CREBBP: variants seen among roughly 807,000 people sequenced by gnomAD.
The protein encoded by CREBBP is CREB-binding protein.
Under a neutral mutation model 265.0 loss-of-function variants are expected in CREBBP, and 19 were observed. The ratio of observed to expected loss-of-function variants is 0.07; its 90% CI spans 0.05 to 0.11. CREBBP has a LOEUF of 0.11. Ranked by LOEUF, CREBBP falls within the 10% of genes least tolerant of loss-of-function variation. The pLI is 1.00. For missense variants in CREBBP, 2,525 were observed against 3,219.0 expected (o/e 0.78, Z 5.22); for synonymous variants, 1,457 against 1,223.7 (o/e 1.19, Z -3.98).
At chr16:3,826,162 AAG>A (rs200414762) in intron 2 of CREBBP, among the ~76,000 whole-genome samples, 3,303 of 152,174 alleles carry the variant, frequency 0.022, 48 homozygotes, top group Non-Finnish European at 0.033. Context: ...GCAGTGAGCC[AAG>A]ATAACATCAC....
intron 8 of CREBBP, 99 bp downstream of exon 8, chr16:3,780,633 C>A: frequency 2.3e-6 from 3 of 1,318,376 alleles, no homozygotes; most frequent in South Asian, 2.5e-5. Context: ...TAAATAAGCA[C>A]GTGACTTGTA....
At chr16:3,826,562 T>A (rs2054241239) in intron 2 of CREBBP, among the ~76,000 whole-genome samples, 1 of 152,076 alleles carries the variant, frequency 6.6e-6, no homozygotes, top group South Asian at 2.1e-4. Flanking sequence ...AAATGGCCCT[T>A]GGCTGCTGAG....
Position 3,731,325 on chromosome 16 carries a change from G to A in CREBBP, c.5039C>T (p.Ser1680Phe), listed in dbSNP as rs1445723787. The change falls in exon 30 of 31, where the codon TCC becomes TTC. Residue 1680 changes from serine to phenylalanine, a missense_variant. Transcript: ENST00000262367. This position sits in a 1 kb window ranked among gnomAD's most constrained non-coding sequence, Gnocchi z 7.7. ...CGTGGACCACTTGGAGCGGCGCAAG[G>A]AGGAGAACTCCCAGTGCTTGTCTCT... is the stretch of plus-strand genomic sequence containing the variant. Reference protein sequence around the residue: ...LARDKHWEFSSLRRSKWSTLC... With the variant: ...LARDKHWEFSFLRRSKWSTLC... The A allele has an allele frequency of 6.2e-7, 1 of 1,614,124 alleles. No homozygotes were observed.
intron 2 of CREBBP, among the ~76,000 whole-genome samples, chr16:3,823,881 G>A (rs1227763637): frequency 6.6e-6 from 1 of 151,918 alleles, no homozygotes; most frequent in South Asian, 2.1e-4. Context: ...CAGCTATCAC[G>A]TTGCCACCCG....
At chr16:3,806,297 G>A (rs1391824343) in intron 3 of CREBBP, among the ~76,000 whole-genome samples, 1 of 152,154 alleles carries the variant, frequency 6.6e-6, no homozygotes, top group Non-Finnish European at 1.5e-5. Context: ...TAGATCAGCA[G>A]CTGCCGTGGG....
At chr16:3,756,643 T>G (rs151110540) in intron 19 of CREBBP, among the ~76,000 whole-genome samples, 31 of 152,346 alleles carry the variant, frequency 2.0e-4, no homozygotes, top group South Asian at 2.1e-4. Flanking sequence ...ATCGTGCTGC[T>G]AGTGTAAAAT....
intron 1 of CREBBP, among the ~76,000 whole-genome samples, chr16:3,856,789 G>T (rs2054973105): frequency 6.6e-6 from 1 of 152,112 alleles, no homozygotes; most frequent in Non-Finnish European, 1.5e-5. Context: ...AGCAAACAAG[G>T]GCCAAATATT....
In CREBBP at chr16:3,850,659, C is replaced by G. The variant is rs371248444; in HGVS notation, c.436G>C (p.Ala146Pro). ...QAASTSGPTP[A>P]ASQALNPQAQ... ...TGCGGATTCAGTGCTTGGGAGGCAG[C>G]GGGGGTGGGCCCAGAGGTGCTGGCT... The change falls in exon 2 of 31, where the codon GCT becomes CCT. Residue 146 changes from alanine (A) to proline (P), a missense_variant. Physicochemically the swap from Ala to Pro is conservative, Grantham distance 27. Transcript: ENST00000262367. 6.2e-7 allele frequency: 1 copy of G among 1,614,128 alleles called. No homozygotes were observed. The highest frequency in any genetic ancestry group is 8.5e-7 in the Non-Finnish European group (1 of 1,180,034).
intron 15 of CREBBP, 64 bp from the exon 16 acceptor site, chr16:3,767,973 G>A (rs530780672): frequency 4.1e-5 from 61 of 1,495,526 alleles, no homozygotes; most frequent in Non-Finnish European, 5.4e-5. Context: ...GCAACCTCAC[G>A]GGAAGACTCT....
rs981666309 is a variant in CREBBP, at chr16:3,726,055, C to G, written c.*1663G>C. The G allele has an allele frequency of 6.0e-5, 14 of 233,180 alleles. No individual in the cohort carries two copies. Among genetic ancestry groups the G allele is most frequent in the African/African-American group, 1.5e-4 (7 of 45,362 alleles). The allele number at this position is 233,180 out of a possible 1,614,324, so 14.4% of individuals were successfully genotyped here. ...CATGTGGCTAAGTGCAAGTATCCCC[C>G]GAAGTGGGGGACCTTTCTCACTGTA... On this transcript the variant is annotated 3_prime_UTR_variant, in exon 31 of 31. Transcript: ENST00000262367.
intron 11 of CREBBP, among the ~76,000 whole-genome samples, chr16:3,775,638 T>C (rs184598809): frequency 4.7e-4 from 72 of 152,310 alleles, no homozygotes; most frequent in East Asian, 1.7e-3. Flanking sequence ...GAGTCTATAA[T>C]GTAAGCTTCC....
chr16:3,770,802 G>T lies in CREBBP; in HGVS notation c.2648C>A (p.Ala883Glu), dbSNP rs1362223227. Residue 883 changes from alanine (A) to glutamate (E), a missense_variant, in exon 14 of 31, where the codon GCA (alanine) becomes GAA (glutamate). By Grantham distance (107) the Ala-to-Glu change is moderately radical. Coordinates refer to ENST00000262367, the MANE Select transcript of CREBBP (RefSeq NM_004380.3). ...AGGAGTTGATGGCTGAGTGGGAGCTGCTGGCTGGGGAGGAGTCATCCCAGG... is the reference window on the plus strand; with the variant it reads ...AGGAGTTGATGGCTGAGTGGGAGCTTCTGGCTGGGGAGGAGTCATCCCAGG... The part of the protein sequence containing the change: ...TPPGMTPPQP[A>E]APTQPSTPVS... 2.5e-6 allele frequency: 4 copies of T among 1,614,102 alleles called. No individual in the cohort carries two copies. The highest frequency in any genetic ancestry group is 3.4e-6 in the Non-Finnish European group (4 of 1,180,014).
chr16:3,774,521 C>T (rs770830894), intron 12 of CREBBP, 48 bp downstream of exon 12: 1 of 1,612,580 alleles, frequency 6.2e-7, no homozygotes, highest in Non-Finnish European at 8.5e-7. Flanking sequence ...GATAATGTTC[C>T]ATGTGAGAGG....
At chr16:3,871,478 G>A (rs932196064) in intron 1 of CREBBP, among the ~76,000 whole-genome samples, 4 of 152,182 alleles carry the variant, frequency 2.6e-5, no homozygotes, top group Non-Finnish European at 5.9e-5. Flanking sequence ...GGTCAAACTC[G>A]TAGAGTCTAT....
Position 3,782,805 on chromosome 16 carries a change from G to T in CREBBP, c.1452C>A (p.Ala484=), listed in dbSNP as rs772537249. The change falls in exon 6 of 31, where the codon GCC becomes GCA. Residue 484 remains alanine, a synonymous_variant. Transcript: ENST00000262367. ...NPIDPSSMQR[A]YAALGLPYMN... is the part of the protein sequence containing the mutation. ...TGTAGGGGAGTCCGAGAGCAGCATAGGCTCGCTGCATGGAGCTGGGGTCTA... is the reference window on the plus strand; with the variant it reads ...TGTAGGGGAGTCCGAGAGCAGCATATGCTCGCTGCATGGAGCTGGGGTCTA... 6.2e-7 allele frequency: 1 copy of T among 1,614,170 alleles called. No individual in the cohort carries two copies. The highest frequency in any genetic ancestry group is 8.5e-7 in the Non-Finnish European group (1 of 1,180,044).
At chr16:3,746,223 C>T (rs2052338612) in intron 21 of CREBBP, among the ~76,000 whole-genome samples, 1 of 152,166 alleles carries the variant, frequency 6.6e-6, no homozygotes, top group Non-Finnish European at 1.5e-5. Flanking sequence ...TAAAGTGTGC[C>T]CCTGCCCTCG....
chr16:3,856,721 T>G (rs1213126548), intron 1 of CREBBP, among the ~76,000 whole-genome samples: 2 of 152,326 alleles, frequency 1.3e-5, no homozygotes, highest in Admixed American at 1.3e-4. Context: ...AGATCAGCTC[T>G]CCTTCCTTTC....
rs2054806336 is a variant in CREBBP, at chr16:3,850,413, T to A, written c.682A>T (p.Thr228Ser). ...RGRGAGMPYPTPAMQGASSSV... is the reference protein window; with the variant it reads ...RGRGAGMPYPSPAMQGASSSV... ...CTCGAGGCGCCCTGCATGGCTGGAG[T>A]AGGGTACGGCATTCCAGCTCCCCTT... The change falls in exon 2 of 31, where the codon ACT becomes TCT. Residue 228 changes from threonine to serine, a missense_variant. Around this residue, in one of 19 missense-constraint regions of CREBBP, gnomAD observed 356 missense variants for 340.4 expected, o/e 1.05. Transcript: ENST00000262367. 6.2e-7 allele frequency: 1 copy of A among 1,614,014 alleles called. No individual in the cohort carries two copies.
intron 1 of CREBBP, among the ~76,000 whole-genome samples, chr16:3,876,977 C>T (rs147510791): frequency 6.6e-6 from 1 of 152,284 alleles, no homozygotes; most frequent in East Asian, 1.9e-4. Flanking sequence ...TCTCTCAGCT[C>T]ACTGCCACCC....
Sources: allele counts gnomAD v4.1 joint callset (sites outside exome capture counted in the v4.1 genomes callset), GRCh38; gene constraint gnomAD v4.1.1; regional missense constraint gnomAD v4.1.1; non-coding constraint Gnocchi (gnomAD v3.1); transcripts MANE v1.5; gene names NCBI Gene and HGNC (gene_info 2026-07-23, HGNC 2026-07-21).